ZBTB24: variants seen among roughly 807,000 people sequenced by gnomAD.
The protein encoded by ZBTB24 is zinc finger and BTB domain containing 24.
A neutral mutation model predicts 53.8 loss-of-function variants in ZBTB24; 32 were observed. The observed-to-expected ratio is 0.60, with a 90% confidence interval of 0.45 to 0.80. The LOEUF (loss-of-function observed/expected upper bound fraction) is 0.80. Among genes scored for constraint, ZBTB24 ranks in the 30% least tolerant of loss-of-function variants. The pLI, the probability that ZBTB24 is intolerant of heterozygous loss-of-function variation, is 0.00. For missense variants in ZBTB24, 722 were observed against 837.1 expected (o/e 0.86, Z 1.70); for synonymous variants, 297 against 306.7 (o/e 0.97, Z 0.33).
Position 109,465,497 on chromosome 6 carries a change from A to G in ZBTB24, c.*354T>C. The G allele has an allele frequency of 1.4e-6, 1 of 717,632 alleles. No homozygotes were observed. Among genetic ancestry groups the G allele is most frequent in the Non-Finnish European group, 2.2e-6 (1 of 446,318 alleles). 44.5% of individuals were successfully genotyped at this position (717,632 alleles called of 1,614,324 possible). A position where few individuals can be genotyped will look rare whatever the true frequency, so the allele number is the denominator to read the frequency against. ...TTTGTCCTAGAAAACAAAAAAACAT[A>G]ACTGGGGAGGTTGGCAAGACCATAA... On this transcript the variant is annotated 3_prime_UTR_variant, in exon 7 of 7. Coordinates refer to ENST00000230122, the MANE Select transcript of ZBTB24 (RefSeq NM_014797.3).
intron 2 of ZBTB24, among the ~76,000 whole-genome samples, chr6:109,477,513 C>G (rs1372418032): frequency 6.6e-6 from 1 of 152,148 alleles, no homozygotes; most frequent in Non-Finnish European, 1.5e-5. Context: ...CACCTGCTAT[C>G]TCTGGAAACA....
chr6:109,475,495 A>G lies in ZBTB24; in HGVS notation c.1205-13T>C. 1 of 1,614,174 alleles carries G rather than the reference A, an allele frequency of 6.2e-7. No homozygotes were observed. The highest frequency in any genetic ancestry group is 8.5e-7 in the Non-Finnish European group (1 of 1,180,004). On this transcript the variant is annotated splice_polypyrimidine_tract_variant and intron_variant, in intron 4 of 6. Transcript: ENST00000230122. ...GGTAATGAGTGGCCTTGTCGCAACAATAAAAAAAGTGTCAGTGCATACATG... is the reference window on the plus strand; with the variant it reads ...GGTAATGAGTGGCCTTGTCGCAACAGTAAAAAAAGTGTCAGTGCATACATG...
chr6:109,475,324 C>T (rs1225151007), intron 5 of ZBTB24, 75 bp downstream of exon 5: 7 of 1,524,802 alleles, frequency 4.6e-6, no homozygotes, highest in African/African-American at 2.7e-5. Flanking sequence ...CTTAGCAGGG[C>T]ACTCAGAGAA....
Position 109,481,330 on chromosome 6 carries a change from C to A in ZBTB24, c.697G>T (p.Val233Phe). The A allele has an allele frequency of 1.9e-6, 3 of 1,614,222 alleles. No homozygotes were observed. Among genetic ancestry groups the A allele is most frequent in the Non-Finnish European group, 2.5e-6 (3 of 1,180,046 alleles). The change falls in exon 2 of 7, where the codon GTT becomes TTT. Residue 233 changes from valine to phenylalanine, a missense_variant. Physicochemically the swap from Val to Phe is conservative, Grantham distance 50 (BLOSUM62 -1). Transcript: ENST00000230122. ...GGATCATAGTTCTCATCTTTTTCAA[C>A]TGGCATTTCCTCCTCTCTACTTGGC... ...CEPSREEEMP[V>F]EKDENYDPKT...
At chr6:109,480,981 T>C (rs988343161) in intron 2 of ZBTB24, 94 bp downstream of exon 2, 3 of 1,559,638 alleles carry the variant, frequency 1.9e-6, no homozygotes, top group African/African-American at 2.7e-5. Context: ...ACAATGCCCA[T>C]CACACAGAAG....
chr6:109,475,422 T>G lies in ZBTB24; in HGVS notation c.1265A>C (p.Lys422Thr). 14 of 1,614,230 alleles carry G rather than the reference T, an allele frequency of 8.7e-6. No individual in the cohort carries two copies. The highest frequency in any genetic ancestry group is 1.2e-5 in the Non-Finnish European group (14 of 1,180,034). The change falls in exon 5 of 7, where the codon AAG (lysine) becomes ACG (threonine). Residue 422 changes from lysine to threonine, a missense_variant. Transcript: ENST00000230122. ...HRKFMDVSQL[K>T]KHLRTHTGEK... ...ACCTGTGTGTGTTCGCAGATGTTTCTTTAGCTGAGACACATCCATGAATTT... is the reference window on the plus strand; with the variant it reads ...ACCTGTGTGTGTTCGCAGATGTTTCGTTAGCTGAGACACATCCATGAATTT...
chr6:109,480,976 G>A, intron 2 of ZBTB24, 99 bp downstream of exon 2: 1 of 1,553,670 alleles, frequency 6.4e-7, no homozygotes, highest in Non-Finnish European at 8.7e-7. Flanking sequence ...TTATTACAAT[G>A]CCCATCACAC....
At position 109,465,946 on chromosome 6, in the gene ZBTB24, G is replaced by C; in HGVS notation, c.1999C>G (p.Pro667Ala). The C allele has an allele frequency of 6.2e-7, 1 of 1,614,190 alleles. No homozygotes were observed. Residue 667 changes from proline to alanine, a missense_variant, in exon 7 of 7, where the codon CCA becomes GCA. By Grantham distance (27) the Pro-to-Ala change is conservative. Coordinates refer to ENST00000230122, the MANE Select transcript of ZBTB24 (RefSeq NM_014797.3). ...TGTGTCAGCTGCAGGTGCTGAGCTG[G>C]ATCTGAAGTACTTGTAGCTAAATGG... ...ELHLATSTSDPAQHLQLTQEP... is the reference protein window; with the variant it reads ...ELHLATSTSDAAQHLQLTQEP...
intron 5 of ZBTB24, among the ~76,000 whole-genome samples, chr6:109,471,777 A>G (rs1472497424): frequency 6.6e-6 from 1 of 152,080 alleles, no homozygotes; most frequent in East Asian, 1.9e-4. Context: ...CCCTCTATTG[A>G]GTTGATATAT....
At position 109,462,611 on chromosome 6, in the gene ZBTB24, A is replaced by G. The variant is rs1360446722; in HGVS notation, c.*3240T>C. The G allele has an allele frequency of 6.6e-6, 1 of 152,232 alleles. No individual in the cohort carries two copies. The highest frequency in any genetic ancestry group is 1.5e-5 in the Non-Finnish European group (1 of 68,026). The allele number at this position is 152,232 out of a possible 1,614,324, so 9.4% of individuals were successfully genotyped here. The stretch of plus-strand genomic sequence containing the variant: ...TGAGAATCTTTTTTCATTCCTCAGC[A>G]TCATTTAATCTGTTGCTCACAACAT... On this transcript the variant is annotated 3_prime_UTR_variant, in exon 7 of 7. Coordinates refer to ENST00000230122, the MANE Select transcript of ZBTB24 (RefSeq NM_014797.3).
chr6:109,480,238 T>G (rs987419686), intron 2 of ZBTB24, among the ~76,000 whole-genome samples: 3 of 152,054 alleles, frequency 2.0e-5, no homozygotes, highest in Admixed American at 6.5e-5. Flanking sequence ...TACAATTAAG[T>G]TGAGGGATAT....
intron 5 of ZBTB24, among the ~76,000 whole-genome samples, chr6:109,471,964 C>G (rs1347775568): frequency 6.6e-6 from 1 of 152,150 alleles, no homozygotes; most frequent in Non-Finnish European, 1.5e-5. Flanking sequence ...ACCTCCCTCA[C>G]TGGGGATGCA....
At chr6:109,480,805 A>G in intron 2 of ZBTB24, 2 of 447,224 alleles carry the variant, frequency 4.5e-6, no homozygotes, top group Non-Finnish European at 5.9e-6. Context: ...AAGTTATTTA[A>G]GCTCCCTAGA....
Position 109,466,548 on chromosome 6 carries a change from A to G in ZBTB24, c.1397T>C (p.Ile466Thr). ...HRGEKPYSCG[I>T]CGKSFSDSSA... ...GGAGTCAGAGAAGGATTTGCCACAA[A>G]TGCCACAGGAGTATGGCTTTTCTCC... The change falls in exon 7 of 7, where the codon ATT (isoleucine) becomes ACT (threonine). Residue 466 changes from isoleucine to threonine, a missense_variant. Coordinates refer to ENST00000230122, the MANE Select transcript of ZBTB24 (RefSeq NM_014797.3). 1 of 1,612,958 alleles carries G rather than the reference A, an allele frequency of 6.2e-7. No individual in the cohort carries two copies. The highest frequency in any genetic ancestry group is 8.5e-7 in the Non-Finnish European group (1 of 1,180,030).
Position 109,465,746 on chromosome 6 carries a change from C to T in ZBTB24, c.*105G>A. 6.2e-7 allele frequency: 1 copy of T among 1,612,014 alleles called. No individual in the cohort carries two copies. The highest frequency in any genetic ancestry group is 8.5e-7 in the Non-Finnish European group (1 of 1,179,758). Reference sequence around the variant, plus strand: ...TTAGCCATCACAGCTCTCACAGAAGCATCTGCAAGTCAATGGTGTGGAGAG... The same window carrying T: ...TTAGCCATCACAGCTCTCACAGAAGTATCTGCAAGTCAATGGTGTGGAGAG... On this transcript the variant is annotated 3_prime_UTR_variant, in exon 7 of 7. Transcript: ENST00000230122.
intron 5 of ZBTB24, among the ~76,000 whole-genome samples, chr6:109,474,074 G>A (rs1311482891): frequency 1.6e-5 from 2 of 125,680 alleles, no homozygotes; most frequent in African/African-American, 6.3e-5. Context: ...GGGCGACAGA[G>A]ACAGTGACTC....
chr6:109,476,620 TCAGA>T lies in ZBTB24; in HGVS notation c.1120+139_1120+142del. 4 of 1,220,904 alleles carry T rather than the reference TCAGA, an allele frequency of 3.3e-6. No homozygotes were observed. In the South Asian group the frequency reaches 5.4e-5, roughly 17 times the overall value. 75.6% of individuals were successfully genotyped at this position (1,220,904 alleles called of 1,614,324 possible). A position where few individuals can be genotyped will look rare whatever the true frequency, so the allele number is the denominator to read the frequency against. On this transcript the variant is annotated intron_variant, in intron 3 of 6. Transcript: ENST00000230122. Reference sequence around the variant, plus strand: ...ATCCGTGCAGAACTCTAAACTGCACTCAGACAGATGCAAAATCCTGTCTTTCAAT... The same window carrying T: ...ATCCGTGCAGAACTCTAAACTGCACTCAGATGCAAAATCCTGTCTTTCAAT...
chr6:109,465,714 A>G lies in ZBTB24; in HGVS notation c.*137T>C. ...GCTACCTGGATGGAGGGCATTATAA[A>G]CATCAGTTAGCCATCACAGCTCTCA... On this transcript the variant is annotated 3_prime_UTR_variant, in exon 7 of 7. Coordinates refer to ENST00000230122, the MANE Select transcript of ZBTB24 (RefSeq NM_014797.3). The G allele has an allele frequency of 1.9e-6, 3 of 1,607,290 alleles. No homozygotes were observed. Among genetic ancestry groups the G allele is most frequent in the Non-Finnish European group, 2.5e-6 (3 of 1,179,672 alleles).
At chr6:109,467,825 T>C (rs561772414) in intron 5 of ZBTB24, 91 bp from the exon 6 acceptor site, 2 of 1,423,402 alleles carry the variant, frequency 1.4e-6, no homozygotes, top group East Asian at 4.9e-5. Flanking sequence ...AAAAAACACT[T>C]CGGTTTCACA....
Sources: gnomAD v4.1 joint callset for allele counts (sites outside exome capture counted in the v4.1 genomes callset) on GRCh38, gnomAD v4.1.1 for gene constraint, MANE v1.5 for transcripts, NCBI Gene and HGNC (gene_info 2026-07-23, HGNC 2026-07-21) for gene names.